LRP6: variants seen among roughly 807,000 people sequenced by gnomAD.
LRP6 encodes the protein low-density lipoprotein receptor-related protein 6.
Under a neutral mutation model 184.1 loss-of-function variants are expected in LRP6, and 43 were observed. That is an observed-to-expected ratio of 0.23 (90% CI 0.18 to 0.30). LRP6 has a LOEUF of 0.30. Among genes scored for constraint, LRP6 ranks in the 10% least tolerant of loss-of-function variants. LRP6 has a pLI of 1.00. For synonymous variants in LRP6, 719 were observed against 684.9 expected (o/e 1.05, Z -0.78); for missense variants, 1,571 against 2,005.3 (o/e 0.78, Z 4.14).
At chr12:12,240,538 C>T (rs1865037536) in intron 2 of LRP6, among the ~76,000 whole-genome samples, 1 of 152,010 alleles carries the variant, frequency 6.6e-6, no homozygotes, top group South Asian at 2.1e-4. Flanking sequence ...CGCCACTGCA[C>T]TCCAGCCTGG....
In LRP6 at chr12:12,200,508, T is replaced by C. The variant is rs554028479; in HGVS notation, c.647+2695A>G. Among the ~76,000 whole-genome samples the C allele has an allele frequency of 2.0e-5, 3 of 152,326 alleles. No individual in the cohort carries two copies. The East Asian group carries it at 5.8e-4, about 29-fold the overall frequency. On this transcript the variant is annotated intron_variant, in intron 3 of 22. Transcript: ENST00000261349. ...CCATTTCCAGGTATTTTCTGTTTGT[T>C]CTTTTTTGTTTTCACTTCAACATTT...
intron 16 of LRP6, among the ~76,000 whole-genome samples, chr12:12,137,767 T>C (rs1362230597): frequency 6.6e-6 from 1 of 152,148 alleles, no homozygotes; most frequent in Non-Finnish European, 1.5e-5. Flanking sequence ...CCAGGAAATA[T>C]TCTTTTTTAA....
chr12:12,210,667 G>C (rs1303214054), intron 2 of LRP6, among the ~76,000 whole-genome samples: 1 of 152,300 alleles, frequency 6.6e-6, no homozygotes, highest in South Asian at 2.1e-4. Context: ...AAGTAACTCT[G>C]AAAGGACCTA....
Position 12,121,358 on chromosome 12 carries a change from C to A in LRP6, c.4610G>T (p.Cys1537Phe). 6.2e-7 allele frequency: 1 copy of A among 1,614,124 alleles called. No individual in the cohort carries two copies. Among genetic ancestry groups the A allele is most frequent in the Non-Finnish European group, 8.5e-7 (1 of 1,180,030 alleles). The change falls in exon 23 of 23, where the codon TGT becomes TTT. Residue 1537 changes from cysteine (C) to phenylalanine (F), a missense_variant. By Grantham distance (205) the Cys-to-Phe change is radical. Transcript: ENST00000261349. ...CCGACTAGGAGCATAGTCACTGTCA[C>A]AAACATCTGTGCTGCAGGGTGTGGT... ...PPTTPCSTDV[C>F]DSDYAPSRRM...
At chr12:12,178,927 CT>C (rs1863263400) in intron 7 of LRP6, among the ~76,000 whole-genome samples, 1 of 152,132 alleles carries the variant, frequency 6.6e-6, no homozygotes, top group South Asian at 2.1e-4. Flanking sequence ...TCCAAAACAA[CT>C]GTTCTAGAGT....
intron 2 of LRP6, among the ~76,000 whole-genome samples, chr12:12,213,845 T>TAAA (rs1864273563): frequency 6.6e-6 from 1 of 152,192 alleles, no homozygotes; most frequent in Non-Finnish European, 1.5e-5. Context: ...CTCATAGATT[T>TAAA]AACATTAGCT....
rs1339050209 is a variant in LRP6, at chr12:12,117,096, GCACTACAAGTACTTTCTAAAATCATCTTT to G, written c.*4001_*4029del. The G allele has an allele frequency of 2.6e-5, 4 of 152,264 alleles. No homozygotes were observed. The highest frequency in any genetic ancestry group is 4.2e-4 in the South Asian group (2 of 4,812). The allele number at this position is 152,264 out of a possible 1,614,324, so 9.4% of individuals were successfully genotyped here. A position where few individuals can be genotyped will look rare whatever the true frequency, so the allele number is the denominator to read the frequency against. On this transcript the variant is annotated 3_prime_UTR_variant, in exon 23 of 23. Coordinates refer to ENST00000261349, the MANE Select transcript of LRP6 (RefSeq NM_002336.3). Reference sequence around the variant, plus strand: ...ATCCCAAAAGTCAGAAGCCACACATGCACTACAAGTACTTTCTAAAATCATCTTTCACTACAAGTACTTTCTAAAATCAT... The same window carrying G: ...ATCCCAAAAGTCAGAAGCCACACATGCACTACAAGTACTTTCTAAAATCAT...
chr12:12,164,487 G>C lies in LRP6; in HGVS notation c.1838C>G (p.Ala613Gly). The C allele has an allele frequency of 6.2e-7, 1 of 1,614,164 alleles. No homozygotes were observed. Among genetic ancestry groups the C allele is most frequent in the Non-Finnish European group, 8.5e-7 (1 of 1,180,020 alleles). ...GATGAGTTCAAAGCCAATAGGGCAA[G>C]CACAGCGAAGGCCCTGAGGTCTATA... ...CLYRPQGLRC[A>G]CPIGFELISD... Residue 613 changes from alanine (A) to glycine (G), a missense_variant, in exon 9 of 23, where the codon GCT becomes GGT. Physicochemically the swap from Ala to Gly is moderately conservative, Grantham distance 60. This residue lies in a region of LRP6 where 640 missense variants were observed against 851.9 expected (regional missense o/e 0.75). Transcript: ENST00000261349.
At chr12:12,152,723 T>C (rs1038609645) in intron 12 of LRP6, among the ~76,000 whole-genome samples, 1 of 152,230 alleles carries the variant, frequency 6.6e-6, no homozygotes, top group African/African-American at 2.4e-5. Flanking sequence ...CAGGAGAATT[T>C]TGTCCTTCTC....
At chr12:12,133,531 G>A (rs1949786266) in intron 17 of LRP6, among the ~76,000 whole-genome samples, 1 of 152,022 alleles carries the variant, frequency 6.6e-6, no homozygotes, top group African/African-American at 2.4e-5. Context: ...GAACAATACA[G>A]CCGGCAGAAC....
intron 2 of LRP6, among the ~76,000 whole-genome samples, chr12:12,215,597 C>T (rs967544727): frequency 9.4e-4 from 143 of 151,780 alleles, no homozygotes; most frequent in Non-Finnish European, 1.1e-3. Flanking sequence ...GTGATCCGCC[C>T]GCCTCGGCCT....
chr12:12,171,355 AAACACAC>A (rs1478967350), intron 7 of LRP6, among the ~76,000 whole-genome samples: 1 of 151,994 alleles, frequency 6.6e-6, no homozygotes, highest in Non-Finnish European at 1.5e-5. Flanking sequence ...TCTCTACTAA[AAACACAC>A]ACACAAAAAA....
At chr12:12,125,470 G>C (rs1356373629) in intron 20 of LRP6, 38 bp from the exon 21 acceptor site, 2 of 1,587,830 alleles carry the variant, frequency 1.3e-6, no homozygotes, top group Non-Finnish European at 1.7e-6. Flanking sequence ...AGATGAGTAT[G>C]ATATATAAAA....
intron 12 of LRP6, among the ~76,000 whole-genome samples, chr12:12,156,208 G>A (rs1000790232): frequency 1.3e-5 from 2 of 152,250 alleles, no homozygotes; most frequent in Non-Finnish European, 1.5e-5. Flanking sequence ...GCATAGACCA[G>A]GTGTCACTAT....
At chr12:12,207,557 A>G (rs1293480207) in intron 2 of LRP6, among the ~76,000 whole-genome samples, 1 of 152,088 alleles carries the variant, frequency 6.6e-6, no homozygotes, top group African/African-American at 2.4e-5. Flanking sequence ...TAACGCTTTC[A>G]GTGGCAGGCA....
intron 15 of LRP6, among the ~76,000 whole-genome samples, chr12:12,146,969 G>A (rs1408695171): frequency 6.6e-6 from 1 of 152,256 alleles, no homozygotes; most frequent in East Asian, 1.9e-4. Flanking sequence ...TGGCTAACAC[G>A]GTGAAACCCT....
chr12:12,221,229 A>G (rs1864479672), intron 2 of LRP6, among the ~76,000 whole-genome samples: 1 of 152,248 alleles, frequency 6.6e-6, no homozygotes, highest in African/African-American at 2.4e-5. Flanking sequence ...CCAACTTAAC[A>G]TTAAACTTTT....
chr12:12,142,070 T>C (rs1268205825), intron 15 of LRP6, among the ~76,000 whole-genome samples: 1 of 152,190 alleles, frequency 6.6e-6, no homozygotes, highest in African/African-American at 2.4e-5. Flanking sequence ...AAATAGCATT[T>C]TTAAGCAAGT....
At chr12:12,210,820 T>A (rs1177182179) in intron 2 of LRP6, 1 of 152,174 alleles carries the variant, frequency 6.6e-6, no homozygotes. Context: ...AGAAAAGTGT[T>A]GTGTAAAATT....
Sources: allele counts gnomAD v4.1 joint callset (sites outside exome capture counted in the v4.1 genomes callset), GRCh38; gene constraint gnomAD v4.1.1; regional missense constraint gnomAD v4.1.1; transcripts MANE v1.5; gene names NCBI Gene and HGNC (gene_info 2026-07-23, HGNC 2026-07-21).